Variants in CNGB1 observed in about 807,000 individuals in gnomAD.
CNGB1 encodes the protein cyclic nucleotide-gated channel beta-1.
CNGB1 carries 126 observed loss-of-function variants against 151.7 expected under a neutral mutation model. The ratio of observed to expected loss-of-function variants is 0.83; its 90% CI spans 0.72 to 0.96. The LOEUF (loss-of-function observed/expected upper bound fraction) is 0.96. Among genes scored for constraint, CNGB1 ranks in the 40% least tolerant of loss-of-function variants. The pLI, the probability that CNGB1 is intolerant of heterozygous loss-of-function variation, is 0.00. For synonymous variants in CNGB1, 623 were observed against 635.1 expected (o/e 0.98, Z 0.29); for missense variants, 1,698 against 1,627.0 (o/e 1.04, Z -0.75).
At chr16:57,937,755 A>G (rs537100571) in intron 16 of CNGB1, among the ~76,000 whole-genome samples, 209 of 152,298 alleles carry the variant, frequency 1.4e-3, no homozygotes, top group Middle Eastern at 3.4e-3. Flanking sequence ...TTCACTTCCA[A>G]CCAGAAGCAG....
At chr16:57,910,830 T>A (rs1353687625) in intron 25 of CNGB1, among the ~76,000 whole-genome samples, 1 of 152,094 alleles carries the variant, frequency 6.6e-6, no homozygotes, top group African/African-American at 2.4e-5. Flanking sequence ...CTAAAATGTA[T>A]AAAAGCAAGC....
Position 57,923,352 on chromosome 16 carries a change from C to A in CNGB1, c.1564G>T (p.Ala522Ser). The A allele has an allele frequency of 6.2e-7, 1 of 1,613,478 alleles. No homozygotes were observed. Among genetic ancestry groups the A allele is most frequent in the Admixed American group, 1.7e-5 (1 of 60,004 alleles). ...RKKLPSEDDE[A>S]EELKALSPAE... ...GGTGACAACGCCTTGAGCTCTTCAG[C>A]CTCATCATCCTCAGAGGGCAGCTTC... Residue 522 changes from alanine to serine, a missense_variant, in exon 18 of 33, where the codon GCT becomes TCT. Transcript: ENST00000251102.
chr16:57,922,258 T>C (rs1961056480), intron 18 of CNGB1, among the ~76,000 whole-genome samples: 1 of 151,976 alleles, frequency 6.6e-6, no homozygotes, highest in Non-Finnish European at 1.5e-5. Context: ...CCAAGGACTG[T>C]GATTGGGGAT....
intron 21 of CNGB1, 83 bp from the exon 22 acceptor site, chr16:57,916,262 G>A (rs1281029009): frequency 2.9e-6 from 4 of 1,357,588 alleles, no homozygotes. Flanking sequence ...ACTTCCCCAA[G>A]AACCCCACCC....
chr16:57,923,216 ACATCC>A, intron 18 of CNGB1, 52 bp downstream of exon 18: 3 of 1,014,456 alleles, frequency 3.0e-6, no homozygotes, highest in Non-Finnish European at 2.9e-6. Flanking sequence ...TAGCCCCCCC[ACATCC>A]CCCACCCTCC....
At chr16:57,945,125 T>C (rs1427008441) in intron 14 of CNGB1, among the ~76,000 whole-genome samples, 4 of 152,070 alleles carry the variant, frequency 2.6e-5, no homozygotes, top group African/African-American at 9.7e-5. Context: ...TCCACGGTCA[T>C]ACCGCCTGTG....
chr16:57,927,179 C>A (rs925287420), intron 17 of CNGB1, among the ~76,000 whole-genome samples: 2 of 152,162 alleles, frequency 1.3e-5, no homozygotes, highest in Non-Finnish European at 2.9e-5. Context: ...TTTCTTTCCT[C>A]GTCTTACACG....
intron 18 of CNGB1, 72 bp from the exon 19 acceptor site, chr16:57,920,616 G>T: frequency 6.3e-7 from 1 of 1,581,988 alleles, no homozygotes; most frequent in Non-Finnish European, 8.6e-7. Flanking sequence ...CCAGAGCTGT[G>T]CAGCGTCTGT....
In CNGB1 at chr16:57,904,848, C is replaced by T. The variant is rs371081260; in HGVS notation, c.2520G>A (p.Val840=). The change falls in exon 26 of 33, where the codon GTG becomes GTA. Residue 840 remains valine, a synonymous_variant. Coordinates refer to ENST00000251102, the MANE Select transcript of CNGB1 (RefSeq NM_001297.5). ...GCCCCCCGATGGTGATGAGGGTCTT[C>T]ACAGCAAAGTAGTAACAGCGAATAT... ...NSYIRCYYFA[V]KTLITIGGLP... is the part of the protein sequence containing the mutation. 1 of 1,614,132 alleles carries T rather than the reference C, an allele frequency of 6.2e-7. No homozygotes were observed. The highest frequency in any genetic ancestry group is 8.5e-7 in the Non-Finnish European group (1 of 1,180,018).
chr16:57,937,964 A>G (rs1961556832), intron 16 of CNGB1, among the ~76,000 whole-genome samples: 1 of 152,196 alleles, frequency 6.6e-6, no homozygotes, highest in Admixed American at 6.5e-5. Context: ...GCTCAAGGCT[A>G]TTGCCCCTCA....
intron 21 of CNGB1, among the ~76,000 whole-genome samples, chr16:57,916,413 G>A (rs2149364298): frequency 6.6e-6 from 1 of 152,322 alleles, no homozygotes; most frequent in Non-Finnish European, 1.5e-5. Flanking sequence ...TGGAAAGCAA[G>A]GACATTAAGC....
chr16:57,884,862 C>T (rs1388872231), intron 32 of CNGB1, among the ~76,000 whole-genome samples: 1 of 152,070 alleles, frequency 6.6e-6, no homozygotes, highest in Non-Finnish European at 1.5e-5. Context: ...GGTGGGCACT[C>T]CTGGAGTGGA....
intron 17 of CNGB1, among the ~76,000 whole-genome samples, chr16:57,929,564 C>G (rs1444572486): frequency 1.3e-5 from 2 of 151,932 alleles, no homozygotes; most frequent in African/African-American, 2.4e-5. Flanking sequence ...GGAAATATAA[C>G]TGGGAGGCCT....
rs1218195640 is a variant in CNGB1 at position 57,917,620 on chromosome 16, GTATA to G, written c.1958-148_1958-145del. 7 of 657,278 alleles carry G rather than the reference GTATA, an allele frequency of 1.1e-5. No homozygotes were observed. In the East Asian group the frequency reaches 2.0e-4, roughly 19 times the overall value. 40.7% of individuals were successfully genotyped at this position (657,278 alleles called of 1,614,324 possible). ...AGAGTGTGTGTATGTGTGTGTGTGT[GTATA>G]TATACACACACACACACACACACAC... On this transcript the variant is annotated intron_variant, in intron 20 of 32. Coordinates refer to ENST00000251102, the MANE Select transcript of CNGB1 (RefSeq NM_001297.5).
intron 31 of CNGB1, among the ~76,000 whole-genome samples, chr16:57,890,261 T>A (rs1356705876): frequency 6.6e-6 from 1 of 152,210 alleles, no homozygotes; most frequent in Non-Finnish European, 1.5e-5. Flanking sequence ...AAATTGTGCA[T>A]GTTGATATTA....
rs1375238959 is a variant in CNGB1, at chr16:57,917,258, T to C, written c.2166+10A>G. 5 of 1,609,808 alleles carry C rather than the reference T, an allele frequency of 3.1e-6. No individual in the cohort carries two copies. The highest frequency in any genetic ancestry group is 4.2e-6 in the Non-Finnish European group (5 of 1,177,910). On this transcript the variant is annotated intron_variant, in intron 21 of 32. Transcript: ENST00000251102. ...CCCGGTCACCCCAACACCACCTGCC[T>C]GTGACTCACAATGATGTCCCCGCCT...
rs1478267353 is a variant in CNGB1, at chr16:57,904,621, C to G, written c.2634+113G>C. ...AGGCTCCTGACTCTCAGTCTAGTGC[C>G]CTTTCCCAGGCTTAATCCAAAAGCA... On this transcript the variant is annotated intron_variant, in intron 26 of 32. Coordinates refer to ENST00000251102, the MANE Select transcript of CNGB1 (RefSeq NM_001297.5). 2.7e-5 allele frequency: 40 copies of G among 1,467,462 alleles called. No homozygotes were observed. In the East Asian group the frequency reaches 9.1e-4, roughly 33 times the overall value. The allele number at this position is 1,467,462 out of a possible 1,614,324, so 90.9% of individuals were successfully genotyped here.
At chr16:57,930,085 T>C (rs1437709380) in intron 17 of CNGB1, among the ~76,000 whole-genome samples, 3 of 152,192 alleles carry the variant, frequency 2.0e-5, no homozygotes, top group African/African-American at 7.2e-5. Context: ...TTCTGGTTGT[T>C]TATCCAAAAT....
rs1962217493 is a variant in CNGB1 at position 57,960,479 on chromosome 16, T to C, written c.583+3A>G. The C allele has an allele frequency of 1.2e-6, 2 of 1,613,354 alleles. No homozygotes were observed. Among genetic ancestry groups the C allele is most frequent in the Non-Finnish European group, 1.7e-6 (2 of 1,179,698 alleles). On this transcript the variant is annotated splice_donor_region_variant and intron_variant, in intron 9 of 32. Transcript: ENST00000251102. ...GCCCCCTCCCGAGCTCCCCTCCCTG[T>C]ACCTGGGTCTGAGGCAGCACCTGTA... is the stretch of plus-strand genomic sequence containing the variant.
Sources: allele counts gnomAD v4.1 joint callset (sites outside exome capture counted in the v4.1 genomes callset), GRCh38; gene constraint gnomAD v4.1.1; transcripts MANE v1.5; gene names NCBI Gene and HGNC (gene_info 2026-07-23, HGNC 2026-07-21).